PPP6C: variants seen among roughly 807,000 people sequenced by gnomAD.
PPP6C encodes serine/threonine-protein phosphatase 6 catalytic subunit.
PPP6C carries 11 observed loss-of-function variants against 39.8 expected under a neutral mutation model. The ratio of observed to expected loss-of-function variants is 0.28; its 90% confidence interval spans 0.17 to 0.46. The LOEUF (loss-of-function observed/expected upper bound fraction) is 0.46, where lower values mean the gene tolerates loss of function less well. Among genes scored for constraint, PPP6C ranks in the 20% least tolerant of loss-of-function variants. The probability of loss-of-function intolerance (pLI) is 1.00; values close to 1 mark genes in which losing one functional copy is unlikely to be tolerated. For synonymous variants in PPP6C, 129 were observed against 130.3 expected, an observed-to-expected ratio of 0.99 and a Z score of 0.07; for missense variants, 211 against 373.9, an observed-to-expected ratio of 0.56 and a Z score of 3.59.
intron 1 of PPP6C, among the ~76,000 whole-genome samples, chr9:125,176,083 T>G (rs1328309444): frequency 1.3e-5 from 2 of 152,134 alleles, no homozygotes; most frequent in Non-Finnish European, 2.9e-5. Context: ...AAAGTGAATT[T>G]TGAGCAAAAC....
Position 125,146,988 on chromosome 9 carries a change from A to G in PPP6C, c.*2685T>C, listed in dbSNP as rs555170242. 15 of 152,312 alleles carry G rather than the reference A, an allele frequency of 9.8e-5. No individual in the cohort carries two copies. Among genetic ancestry groups the G allele is most frequent in the African/African-American group, 3.4e-4 (14 of 41,568 alleles). 9.4% of individuals were successfully genotyped at this position (152,312 alleles called of 1,614,324 possible). ...ACAATATTTCAAACCTTATTTCCCA[A>G]AGCAAAACCTAGGGCTTAAGACGTC... On this transcript the variant is annotated 3_prime_UTR_variant, in exon 7 of 7. Coordinates refer to ENST00000373547, the MANE Select transcript of PPP6C (RefSeq NM_002721.5).
intron 1 of PPP6C, 91 bp downstream of exon 1, chr9:125,189,553 A>C (rs775051152): frequency 7.9e-5 from 126 of 1,587,566 alleles, no homozygotes; most frequent in Admixed American, 1.1e-4. Flanking sequence ...CCGCGACTGG[A>C]CTGGATACCC....
intron 2 of PPP6C, among the ~76,000 whole-genome samples, chr9:125,170,280 A>T (rs972549818): frequency 2.7e-5 from 4 of 150,606 alleles, no homozygotes; most frequent in African/African-American, 9.8e-5. Flanking sequence ...TCTGTTGCCC[A>T]GGCTGGAGTG....
At chr9:125,150,720 C>A in intron 6 of PPP6C, 1 of 819,360 alleles carries the variant, frequency 1.2e-6, no homozygotes, top group Non-Finnish European at 2.0e-6. Flanking sequence ...TCGCCTGGGC[C>A]TGGAGCTCGG....
chr9:125,184,897 G>T (rs538004537), intron 1 of PPP6C, among the ~76,000 whole-genome samples: 2 of 150,198 alleles, frequency 1.3e-5, no homozygotes, highest in African/African-American at 2.4e-5. Flanking sequence ...AACCCAGGAG[G>T]TGGAGACTGC....
chr9:125,166,537 T>C (rs1387919220), intron 2 of PPP6C, among the ~76,000 whole-genome samples: 1 of 145,716 alleles, frequency 6.9e-6, no homozygotes, highest in Non-Finnish European at 1.5e-5. Context: ...TTCTTTTTCT[T>C]TTTTTTTTTT....
chr9:125,151,045 C>G, intron 6 of PPP6C: 1 of 1,369,854 alleles, frequency 7.3e-7, no homozygotes, highest in Non-Finnish European at 1.0e-6. Flanking sequence ...TTCTCAAATT[C>G]AGGGCTTTTT....
intron 6 of PPP6C, among the ~76,000 whole-genome samples, chr9:125,150,421 G>GGTGTAT (rs1663706920): frequency 6.7e-6 from 1 of 149,856 alleles, no homozygotes; most frequent in Middle Eastern, 3.2e-3. Flanking sequence ...CAATATAAGG[G>GGTGTAT]GTGTGTGTGT....
rs771844666 is a variant in PPP6C at position 125,189,759 on chromosome 9, T to C, written c.-41A>G. The C allele has an allele frequency of 1.3e-5, 20 of 1,545,518 alleles. No individual in the cohort carries two copies. In the Admixed American group the frequency reaches 2.9e-4, roughly 22 times the overall value. On this transcript the variant is annotated 5_prime_UTR_variant, in exon 1 of 7. Coordinates refer to ENST00000373547, the MANE Select transcript of PPP6C (RefSeq NM_002721.5). ...CCGCGGCAACAGCGGCGGCGGCGGC[T>C]GTAGCAGCGGCGGCGGCAGCGGCGG... is the stretch of plus-strand genomic sequence containing the variant.
intron 1 of PPP6C, 112 bp from the exon 2 acceptor site, chr9:125,171,292 T>TCC: frequency 1.3e-6 from 1 of 771,144 alleles, no homozygotes; most frequent in Non-Finnish European, 1.9e-6. Context: ...AAGTATACTT[T>TCC]TTGATAGGAA....
intron 2 of PPP6C, among the ~76,000 whole-genome samples, chr9:125,168,519 C>T (rs777090843): frequency 2.6e-5 from 4 of 151,776 alleles, no homozygotes; most frequent in South Asian, 2.1e-4. Context: ...AGTGCAATGG[C>T]GCGATCTCGG....
chr9:125,184,054 G>T (rs1829472599), intron 1 of PPP6C, among the ~76,000 whole-genome samples: 1 of 152,026 alleles, frequency 6.6e-6, no homozygotes. Context: ...AAGCATTTGG[G>T]ACCAGCCTGG....
At chr9:125,184,721 C>G (rs1457385369) in intron 1 of PPP6C, among the ~76,000 whole-genome samples, 1 of 151,976 alleles carries the variant, frequency 6.6e-6, no homozygotes, top group East Asian at 1.9e-4. Context: ...ATCTGTAATC[C>G]CAACACTTTG....
chr9:125,151,685 T>C (rs1835947007), intron 6 of PPP6C: 1 of 445,398 alleles, frequency 2.2e-6, no homozygotes, highest in Non-Finnish European at 4.2e-6. Context: ...AGACCCAGCT[T>C]GCTCCAGTGT....
chr9:125,183,049 G>A (rs917004845), intron 1 of PPP6C, among the ~76,000 whole-genome samples: 1 of 151,932 alleles, frequency 6.6e-6, no homozygotes, highest in African/African-American at 2.4e-5. Context: ...CAAACTTCCC[G>A]TATTCCTTAA....
chr9:125,157,241 A>G (rs973830034), intron 4 of PPP6C, among the ~76,000 whole-genome samples: 1 of 150,350 alleles, frequency 6.7e-6, no homozygotes, highest in Non-Finnish European at 1.5e-5. Flanking sequence ...TCGGCCTCCC[A>G]AAGTGCTGGG....
chr9:125,150,172 G>A lies in PPP6C; in HGVS notation c.670-251C>T, dbSNP rs77350437. Among the ~76,000 whole-genome samples, 678 of 152,130 alleles carry A rather than the reference G, an allele frequency of 4.5e-3. 7 individuals are homozygous for A. The highest frequency in any genetic ancestry group is 0.029 in the East Asian group (149 of 5,182). On this transcript the variant is annotated intron_variant, in intron 6 of 6. Coordinates refer to ENST00000373547, the MANE Select transcript of PPP6C (RefSeq NM_002721.5). ...TTCTGGAAGAAAAAGCATTCAATAG[G>A]TACTATGAAACAAAATTTTGTGTTT... is the stretch of plus-strand genomic sequence containing the variant.
chr9:125,169,862 T>TA (rs1027855641), intron 2 of PPP6C, among the ~76,000 whole-genome samples: 4 of 152,124 alleles, frequency 2.6e-5, no homozygotes, highest in African/African-American at 4.8e-5. Flanking sequence ...TTTTATAATC[T>TA]AAAAAATCCA....
Position 125,153,032 on chromosome 9 carries a change from G to A in PPP6C, c.669+501C>T, listed in dbSNP as rs1379837218. Among the ~76,000 whole-genome samples, 3 of 152,060 alleles carry A rather than the reference G, an allele frequency of 2.0e-5. No individual in the cohort carries two copies. In the East Asian group the frequency reaches 5.8e-4, roughly 29 times the overall value. ...TCACACCTATAATCCCAGCACTTTG[G>A]GAGGCTGAGGCGGGTGGATCACCTG... On this transcript the variant is annotated intron_variant, in intron 6 of 6. Coordinates refer to ENST00000373547, the MANE Select transcript of PPP6C (RefSeq NM_002721.5).
Sources: gnomAD v4.1 joint callset for allele counts (sites outside exome capture counted in the v4.1 genomes callset) on GRCh38, gnomAD v4.1.1 for gene constraint, MANE v1.5 for transcripts, NCBI Gene and HGNC (gene_info 2026-07-23, HGNC 2026-07-21) for gene names.